Variants in RBFOX1 observed in about 807,000 individuals in gnomAD.
RBFOX1 encodes the protein RNA binding fox-1 homolog 1.
In RBFOX1, 8 loss-of-function variants were observed where a neutral mutation model predicts 57.7. That is an observed-to-expected ratio of 0.14 (90% CI 0.08 to 0.25). The LOEUF (loss-of-function observed/expected upper bound fraction) is 0.25, where lower values mean the gene tolerates loss of function less well. Ranked by LOEUF, RBFOX1 falls within the 10% of genes least tolerant of loss-of-function variation. RBFOX1 has a pLI of 1.00. For missense variants in RBFOX1, 611 were observed against 548.5 expected (o/e 1.11, Z -1.14); for synonymous variants, 326 against 222.4 (o/e 1.47, Z -4.15).
intron 4 of RBFOX1, among the ~76,000 whole-genome samples, chr16:5,963,789 T>C (rs555319757): frequency 6.6e-6 from 1 of 152,306 alleles, no homozygotes; most frequent in African/African-American, 2.4e-5. Context: ...ACTTAAGACC[T>C]AAAGCCATAA....
chr16:5,801,366 T>C (rs2151753746), intron 3 of RBFOX1, among the ~76,000 whole-genome samples: 1 of 151,678 alleles, frequency 6.6e-6, no homozygotes, highest in East Asian at 1.9e-4. Context: ...CAATTTGAGT[T>C]TCGGGGTAAA....
chr16:6,859,666 T>G (rs77579189), intron 3 of RBFOX1, among the ~76,000 whole-genome samples: 3,667 of 152,254 alleles, frequency 0.024, 161 homozygotes, highest in African/African-American at 0.079. Context: ...TACTCAATAA[T>G]GGAACCATTT....
chr16:6,789,179 A>T (rs776829804), intron 3 of RBFOX1, among the ~76,000 whole-genome samples: 6 of 152,136 alleles, frequency 3.9e-5, no homozygotes, highest in Non-Finnish European at 5.9e-5. Flanking sequence ...TTCAGAAGAA[A>T]CATTAAGGTT....
intron 5 of RBFOX1, among the ~76,000 whole-genome samples, chr16:7,570,433 C>A (rs987242757): frequency 4.6e-5 from 7 of 152,178 alleles, no homozygotes; most frequent in African/African-American, 1.4e-4. Flanking sequence ...CTACTGACAA[C>A]TTCATGGTGG....
At chr16:7,135,881 T>A (rs2071793462) in intron 4 of RBFOX1, among the ~76,000 whole-genome samples, 1 of 152,228 alleles carries the variant, frequency 6.6e-6, no homozygotes, top group African/African-American at 2.4e-5. Context: ...GAAAGCTCTG[T>A]TTGTTCTATT....
intron 3 of RBFOX1, among the ~76,000 whole-genome samples, chr16:6,995,755 C>A (rs1475592435): frequency 6.6e-6 from 1 of 151,676 alleles, no homozygotes. Context: ...AGTGAGACTC[C>A]ATCTTAAAAA....
intron 1 of RBFOX1, among the ~76,000 whole-genome samples, chr16:6,295,345 C>T (rs1016920433): frequency 3.9e-5 from 6 of 152,054 alleles, no homozygotes; most frequent in East Asian, 1.9e-4. Flanking sequence ...AGGATGGTCT[C>T]GATCCCTTGA....
intron 4 of RBFOX1, among the ~76,000 whole-genome samples, chr16:7,508,182 T>C (rs1053599364): frequency 4.6e-5 from 7 of 150,914 alleles, no homozygotes; most frequent in Non-Finnish European, 3.0e-5. Flanking sequence ...AGATGGAGTT[T>C]TAGCAGGTTG....
chr16:6,675,800 C>A (rs570635613), intron 3 of RBFOX1, among the ~76,000 whole-genome samples: 13 of 152,182 alleles, frequency 8.5e-5, no homozygotes, highest in African/African-American at 3.1e-4. Flanking sequence ...AAAACCACTG[C>A]TACGAATCAA....
intron 5 of RBFOX1, among the ~76,000 whole-genome samples, chr16:7,537,239 C>A (rs34311485): frequency 6.6e-6 from 1 of 152,190 alleles, no homozygotes; most frequent in Non-Finnish European, 1.5e-5. Context: ...CTAGAATGGT[C>A]TGGAACATGG....
At chr16:5,536,649 G>A (rs573568404) in intron 2 of RBFOX1, among the ~76,000 whole-genome samples, 12 of 152,260 alleles carry the variant, frequency 7.9e-5, no homozygotes, top group East Asian at 1.9e-4. Context: ...GGAGACAAGC[G>A]TCAAATTCGG....
chr16:6,048,690 T>C (rs1255314248), intron 1 of RBFOX1, among the ~76,000 whole-genome samples: 1 of 152,208 alleles, frequency 6.6e-6, no homozygotes, highest in East Asian at 1.9e-4. Context: ...TCATTCATTA[T>C]ATACGAGTGA....
chr16:5,346,740 G>C (rs182962730), intron 1 of RBFOX1, among the ~76,000 whole-genome samples: 48 of 152,266 alleles, frequency 3.2e-4, no homozygotes, highest in African/African-American at 1.2e-3. Context: ...GGATGTAACG[G>C]TTAAGAGCAT....
At chr16:7,185,351 C>A (rs1410570659) in intron 4 of RBFOX1, among the ~76,000 whole-genome samples, 1 of 152,110 alleles carries the variant, frequency 6.6e-6, no homozygotes, top group African/African-American at 2.4e-5. Context: ...CACAGAATCT[C>A]AGCCATGATG....
intron 1 of RBFOX1, among the ~76,000 whole-genome samples, chr16:6,024,066 T>G (rs2095137830): frequency 6.6e-6 from 1 of 152,196 alleles, no homozygotes; most frequent in African/African-American, 2.4e-5. Context: ...CCTCATTTTT[T>G]GAATCTGTAG....
At chr16:6,968,744 C>T (rs1365514121) in intron 3 of RBFOX1, among the ~76,000 whole-genome samples, 3 of 152,148 alleles carry the variant, frequency 2.0e-5, no homozygotes, top group Non-Finnish European at 4.4e-5. Context: ...TCCCTCCTCT[C>T]CCTCCTCTTT....
At chr16:6,834,891 ATTTTT>A (rs71147607) in intron 3 of RBFOX1, among the ~76,000 whole-genome samples, 4 of 118,924 alleles carry the variant, frequency 3.4e-5, no homozygotes, top group Admixed American at 8.8e-5. Flanking sequence ...TGACTTCTCT[ATTTTT>A]TTTTTTTTTT....
upstream of RBFOX1, among the ~76,000 whole-genome samples, chr16:6,017,434 G>T (rs1421043558): frequency 6.6e-6 from 1 of 152,116 alleles, no homozygotes; most frequent in Non-Finnish European, 1.5e-5. Flanking sequence ...ATTGTGAACA[G>T]TTTCTGGGGG....
intron 4 of RBFOX1, among the ~76,000 whole-genome samples, chr16:7,238,696 C>T (rs747033672): frequency 2.6e-5 from 4 of 152,098 alleles, no homozygotes; most frequent in Non-Finnish European, 5.9e-5. Flanking sequence ...CATAGGTAAA[C>T]TTGTGTGTCA....
Sources: gnomAD v4.1 joint callset for allele counts (sites outside exome capture counted in the v4.1 genomes callset) on GRCh38, gnomAD v4.1.1 for gene constraint, MANE v1.5 for transcripts, NCBI Gene and HGNC (gene_info 2026-07-23, HGNC 2026-07-21) for gene names.